The following TIAM1 variants were observed in gnomAD, a reference collection of about 807,000 sequenced individuals.
The protein encoded by TIAM1 is TIAM Rac1 associated GEF 1.
A neutral mutation model predicts 163.5 loss-of-function variants in TIAM1; 65 were observed. The ratio of observed to expected loss-of-function variants is 0.40; its 90% CI spans 0.33 to 0.49. The LOEUF is 0.49. Ranked by LOEUF, TIAM1 falls within the 20% of genes least tolerant of loss-of-function variation. The pLI, the probability that TIAM1 is intolerant of heterozygous loss-of-function variation, is 0.77. For missense variants in TIAM1, 1,789 were observed against 2,044.7 expected, an observed-to-expected ratio of 0.87 and a Z score of 2.41; for synonymous variants, 833 against 810.1, an observed-to-expected ratio of 1.03 and a Z score of -0.48.
At chr21:31,425,821 C>T (rs931807003) in intron 2 of TIAM1, among the ~76,000 whole-genome samples, 2 of 151,916 alleles carry the variant, frequency 1.3e-5, no homozygotes, top group Non-Finnish European at 1.5e-5. Flanking sequence ...CTCATCTTCC[C>T]GAGTAGCTGG....
intron 25 of TIAM1, among the ~76,000 whole-genome samples, chr21:31,127,506 C>T (rs2082250869): frequency 6.6e-6 from 1 of 151,678 alleles, no homozygotes; most frequent in Admixed American, 6.6e-5. Context: ...GCAACCTCTG[C>T]CTCCCGGGTT....
intron 2 of TIAM1, among the ~76,000 whole-genome samples, chr21:31,462,742 T>A (rs1048584142): frequency 8.0e-5 from 5 of 62,130 alleles, no homozygotes; most frequent in African/African-American, 2.6e-4. Flanking sequence ...TTTTGTTTTT[T>A]TTTTTTGTTT....
chr21:31,475,274 A>C (rs2045902660), intron 1 of TIAM1, among the ~76,000 whole-genome samples: 1 of 151,828 alleles, frequency 6.6e-6, no homozygotes, highest in Non-Finnish European at 1.5e-5. Context: ...GGCTGGTCTC[A>C]AACTCCTGGG....
chr21:31,424,187 C>T (rs865802783), intron 2 of TIAM1, among the ~76,000 whole-genome samples: 15 of 152,136 alleles, frequency 9.9e-5, no homozygotes, highest in African/African-American at 3.6e-4. Flanking sequence ...GATGCAGATT[C>T]GGTTTTATTT....
intron 2 of TIAM1, among the ~76,000 whole-genome samples, chr21:31,460,668 G>A (rs1229863352): frequency 6.6e-6 from 1 of 152,158 alleles, no homozygotes; most frequent in African/African-American, 2.4e-5. Context: ...TGAAGAACAA[G>A]TATAGACATC....
Position 31,266,324 on chromosome 21 carries a change from G to A in TIAM1, c.649C>T (p.Arg217Trp), listed in dbSNP as rs763667980. ...DCEEARGMET[R>W]ASPRQLSTCQ... ...GTGCTGAGCTGCCGCGGACTCGCCC[G>A]CGTTTCCATCCCCCGAGCCTCCTCG... The change falls in exon 4 of 28, where the codon CGG (arginine) becomes TGG (tryptophan). Residue 217 changes from arginine to tryptophan, a missense_variant. Physicochemically the swap from Arg to Trp is moderately radical, Grantham distance 101. Coordinates refer to ENST00000541036, the MANE Select transcript of TIAM1 (RefSeq NM_001353694.2). 3.1e-6 allele frequency: 5 copies of A among 1,614,192 alleles called. No individual in the cohort carries two copies. The highest frequency in any genetic ancestry group is 4.5e-5 in the East Asian group (2 of 44,872).
chr21:31,213,989 C>T (rs1007925003), intron 9 of TIAM1, among the ~76,000 whole-genome samples: 1 of 151,538 alleles, frequency 6.6e-6, no homozygotes, highest in African/African-American at 2.4e-5. Context: ...GAACTACAAT[C>T]TGGGCAACAG....
At chr21:31,205,044 G>A (rs1166624178) in intron 11 of TIAM1, among the ~76,000 whole-genome samples, 3 of 152,206 alleles carry the variant, frequency 2.0e-5, no homozygotes, top group Admixed American at 2.0e-4. Context: ...AAGATAATAA[G>A]GCTGGAGGCG....
At chr21:31,519,452 T>C (rs1230933730) in intron 1 of TIAM1, among the ~76,000 whole-genome samples, 1 of 142,346 alleles carries the variant, frequency 7.0e-6, no homozygotes, top group African/African-American at 2.6e-5. Context: ...GAGGTTGCAG[T>C]GAGCTGAGAT....
At position 31,482,060 on chromosome 21, in the gene TIAM1, AGTGTGTGTGT is replaced by A. The variant is rs10523425; in HGVS notation, c.-421-18035_-421-18026del. 3.2e-3 allele frequency among the ~76,000 whole-genome samples: 461 copies of A among 145,696 alleles called. 3 individuals are homozygous for A. Among genetic ancestry groups the A allele is most frequent in the African/African-American group, 8.7e-3 (337 of 38,626 alleles). On this transcript the variant is annotated intron_variant, in intron 1 of 28. Coordinates refer to the TIAM1 transcript ENST00000286827. ...AACTGTGTGCCAGGAACTGGGACAA[AGTGTGTGTGT>A]GTGTGTGTGTGTGTGTGTGTGTGTG...
intron 11 of TIAM1, among the ~76,000 whole-genome samples, chr21:31,209,805 T>G (rs1338447318): frequency 2.6e-5 from 4 of 152,256 alleles, no homozygotes; most frequent in Admixed American, 6.5e-5. Flanking sequence ...TAGAAATCTA[T>G]CAAACACACA....
chr21:31,188,233 C>T (rs923354521), intron 13 of TIAM1, among the ~76,000 whole-genome samples: 1 of 152,180 alleles, frequency 6.6e-6, no homozygotes, highest in Non-Finnish European at 1.5e-5. Flanking sequence ...TACCGTAACA[C>T]CCTCAGATAG....
chr21:31,220,811 G>C (rs968414833), intron 8 of TIAM1, among the ~76,000 whole-genome samples: 2 of 152,182 alleles, frequency 1.3e-5, no homozygotes, highest in African/African-American at 4.8e-5. Flanking sequence ...TCTTTGCCCA[G>C]ACAATGCCTC....
chr21:31,197,539 C>CTTTTTTTTTTTTTTTTTT (rs58141765), intron 12 of TIAM1, among the ~76,000 whole-genome samples: 2 of 123,260 alleles, frequency 1.6e-5, no homozygotes, highest in Admixed American at 8.7e-5. Flanking sequence ...CCGCGCCCGG[C>CTTTTTTTTTTTTTTTTTT]TTTTTTTTTT....
intron 1 of TIAM1, among the ~76,000 whole-genome samples, chr21:31,483,404 G>A (rs1223883968): frequency 5.3e-5 from 8 of 152,184 alleles, no homozygotes; most frequent in African/African-American, 1.9e-4. Context: ...AAGACAGCCA[G>A]CACCAGGTTG....
chr21:31,222,679 ATATATAT>A (rs1569055911), intron 8 of TIAM1, among the ~76,000 whole-genome samples: 12 of 35,002 alleles, frequency 3.4e-4, no homozygotes, highest in African/African-American at 8.8e-4. Flanking sequence ...ACACATACAT[ATATATAT>A]ATATATATAT....
At chr21:31,281,944 A>C (rs1208109440) in intron 2 of TIAM1, among the ~76,000 whole-genome samples, 4 of 152,230 alleles carry the variant, frequency 2.6e-5, no homozygotes, top group Admixed American at 6.5e-5. Flanking sequence ...TAAGTGGCTC[A>C]GAAATTAAAG....
At chr21:31,558,472 T>C (rs867669139) in intron 1 of TIAM1, among the ~76,000 whole-genome samples, 1 of 151,828 alleles carries the variant, frequency 6.6e-6, no homozygotes, top group Non-Finnish European at 1.5e-5. Context: ...GGTGCCTAAG[T>C]CAGGGACCGA....
At chr21:31,261,190 G>A (rs2072449468) in intron 4 of TIAM1, among the ~76,000 whole-genome samples, 1 of 151,574 alleles carries the variant, frequency 6.6e-6, no homozygotes, top group Admixed American at 6.6e-5. Context: ...CAGTTATCCT[G>A]GCCATCTCTC....
Sources: gnomAD v4.1 joint callset for allele counts (sites outside exome capture counted in the v4.1 genomes callset) on GRCh38, gnomAD v4.1.1 for gene constraint, MANE v1.5 for transcripts, NCBI Gene and HGNC (gene_info 2026-07-23, HGNC 2026-07-21) for gene names.